Variants in PRKAB1 observed in about 807,000 individuals in gnomAD.
PRKAB1 encodes the protein 5'-AMP-activated protein kinase subunit beta-1.
A neutral mutation model predicts 32.0 loss-of-function variants in PRKAB1; 18 were observed. That is an observed-to-expected ratio of 0.56 (90% CI 0.39 to 0.83). The LOEUF is 0.83. Among genes scored for constraint, PRKAB1 ranks in the 40% least tolerant of loss-of-function variants. The pLI, the probability that PRKAB1 is intolerant of heterozygous loss-of-function variation, is 0.00. For synonymous variants in PRKAB1, 141 were observed against 141.4 expected (o/e 1.00, Z 0.02); for missense variants, 263 against 352.6 (o/e 0.75, Z 2.03).
chr12:119,674,529 T>C lies in PRKAB1; in HGVS notation c.532+75T>C. On this transcript the variant is annotated intron_variant, in intron 4 of 6. Coordinates refer to ENST00000229328, the MANE Select transcript of PRKAB1 (RefSeq NM_006253.5). The surrounding 1 kb of genome is among the most constrained non-coding windows in gnomAD (Gnocchi z 4.3). ...AGTCTAGACATACTCTTGTTTCTCTTGCCTCTCTTGAGCTGAAGCTGCCCA... is the reference window on the plus strand; with the variant it reads ...AGTCTAGACATACTCTTGTTTCTCTCGCCTCTCTTGAGCTGAAGCTGCCCA... The C allele has an allele frequency of 1.8e-6, 2 of 1,117,730 alleles. No individual in the cohort carries two copies. The highest frequency in any genetic ancestry group is 2.6e-6 in the Non-Finnish European group (2 of 767,298). 69.2% of individuals were successfully genotyped at this position (1,117,730 alleles called of 1,614,324 possible).
At chr12:119,675,828 A>T (rs889981057) in intron 4 of PRKAB1, among the ~76,000 whole-genome samples, 1 of 152,170 alleles carries the variant, frequency 6.6e-6, no homozygotes, top group African/African-American at 2.4e-5. Flanking sequence ...GGATCTGGCG[A>T]CCAGAACCAT....
At chr12:119,672,113 C>T in intron 1 of PRKAB1, 188 bp from the exon 2 acceptor site, 1 of 518,330 alleles carries the variant, frequency 1.9e-6, no homozygotes, top group Non-Finnish European at 3.4e-6. Context: ...CATGGACTGT[C>T]TCAGTCTTCA....
chr12:119,680,507 T>A lies in PRKAB1; in HGVS notation c.*182T>A. 1 of 631,682 alleles carries A rather than the reference T, an allele frequency of 1.6e-6. No homozygotes were observed. The highest frequency in any genetic ancestry group is 2.8e-6 in the Non-Finnish European group (1 of 362,936). The allele number at this position is 631,682 out of a possible 1,614,324, so 39.1% of individuals were successfully genotyped here. A position where few individuals can be genotyped will look rare whatever the true frequency, so the allele number is the denominator to read the frequency against. ...CAGAGCAGCTCCTGCAGCGCCTCGG[T>A]CTGTGACAGTCCTCCTAGCACCCCC... On this transcript the variant is annotated 3_prime_UTR_variant, in exon 7 of 7. Transcript: ENST00000229328.
At position 119,676,561 on chromosome 12, in the gene PRKAB1, C is replaced by CGTA; in HGVS notation, c.557_558insGTA (p.Tyr187dup). On this transcript the variant is annotated inframe_insertion, in exon 5 of 7. Transcript: ENST00000229328. ...GAGCTGTCCAGTTCTCCCCCAGGACCCTACCATCAGGAGCCCTACGTCTGC... is the reference window on the plus strand; with the variant it reads ...GAGCTGTCCAGTTCTCCCCCAGGACCGTACTACCATCAGGAGCCCTACGTCTGC... The CGTA allele has an allele frequency of 6.2e-7, 1 of 1,613,568 alleles. No homozygotes were observed. The highest frequency in any genetic ancestry group is 8.5e-7 in the Non-Finnish European group (1 of 1,179,604).
At chr12:119,675,591 C>G (rs890022128) in intron 4 of PRKAB1, among the ~76,000 whole-genome samples, 4 of 152,224 alleles carry the variant, frequency 2.6e-5, no homozygotes, top group African/African-American at 9.7e-5. Flanking sequence ...AAACGGACCC[C>G]TCACTGATAC....
At chr12:119,676,130 G>A (rs969915687) in intron 4 of PRKAB1, among the ~76,000 whole-genome samples, 1 of 152,194 alleles carries the variant, frequency 6.6e-6, no homozygotes, top group Non-Finnish European at 1.5e-5. Flanking sequence ...GCGGCCGGGG[G>A]TGCCCATAAC....
intron 4 of PRKAB1, among the ~76,000 whole-genome samples, chr12:119,676,235 C>T (rs962222960): frequency 3.3e-5 from 5 of 152,076 alleles, no homozygotes; most frequent in Admixed American, 2.6e-4. Context: ...TTCTGCCGTG[C>T]GTGTGGGATT....
At chr12:119,672,183 T>C in intron 1 of PRKAB1, 118 bp from the exon 2 acceptor site, 1 of 1,105,732 alleles carries the variant, frequency 9.0e-7, no homozygotes, top group Non-Finnish European at 1.3e-6. Context: ...CACTAGTAAG[T>C]TTCCGATCCT....
intron 1 of PRKAB1, among the ~76,000 whole-genome samples, chr12:119,670,518 C>A (rs1955379414): frequency 6.6e-6 from 1 of 152,222 alleles, no homozygotes; most frequent in Admixed American, 6.5e-5. Context: ...AATCATGTTT[C>A]TCTAATGACT....
In PRKAB1 at chr12:119,672,396, G is replaced by A. The variant is rs115821895; in HGVS notation, c.255G>A (p.Thr85=). ...CTCGGCCAACGGTGTTTCGATGGACGGGGGGCGGAAAGGAAGTTTACTTAT... is the reference window on the plus strand; with the variant it reads ...CTCGGCCAACGGTGTTTCGATGGACAGGGGGCGGAAAGGAAGTTTACTTAT... The part of the protein sequence containing the change: ...AQARPTVFRW[T]GGGKEVYLSG... Residue 85 remains threonine, a synonymous_variant, in exon 2 of 7, where the codon ACG becomes ACA. Transcript: ENST00000229328. 2.8e-4 allele frequency: 449 copies of A among 1,611,018 alleles called. No individual in the cohort carries two copies. In the African/African-American group the frequency reaches 5.0e-3, roughly 18 times the overall value.
intron 1 of PRKAB1, chr12:119,671,385 T>TA: frequency 3.5e-6 from 1 of 285,342 alleles, no homozygotes; most frequent in South Asian, 3.0e-5. Flanking sequence ...TATGTAGAAA[T>TA]ACCCGAGACT....
chr12:119,673,957 C>T lies in PRKAB1; in HGVS notation c.324-7C>T, dbSNP rs775020808. ...ACGGAAGTCCTCTGCTTCCTTTTTC[C>T]TTGCAGCCACAATAACTTTGTAGCC... is the stretch of plus-strand genomic sequence containing the variant. On this transcript the variant is annotated splice_polypyrimidine_tract_variant and splice_region_variant and intron_variant, in intron 2 of 6. Transcript: ENST00000229328. The T allele has an allele frequency of 5.6e-6, 9 of 1,609,914 alleles. No homozygotes were observed. The highest frequency in any genetic ancestry group is 7.6e-6 in the Non-Finnish European group (9 of 1,178,388).
chr12:119,671,431 A>G, intron 1 of PRKAB1: 1 of 365,740 alleles, frequency 2.7e-6, no homozygotes, highest in South Asian at 2.1e-5. Flanking sequence ...TAATTGACTC[A>G]GTTCCGCATG....
At chr12:119,676,131 T>G (rs2136857091) in intron 4 of PRKAB1, among the ~76,000 whole-genome samples, 1 of 152,192 alleles carries the variant, frequency 6.6e-6, no homozygotes, top group Middle Eastern at 3.4e-3. Flanking sequence ...CGGCCGGGGG[T>G]GCCCATAACT....
chr12:119,669,735 G>C (rs1955372367), intron 1 of PRKAB1: 1 of 152,144 alleles, frequency 6.6e-6, no homozygotes, highest in Admixed American at 6.6e-5. Flanking sequence ...CACCATGCCT[G>C]GCTAATTTTG....
At position 119,668,195 on chromosome 12, in the gene PRKAB1, C is replaced by A. The variant is rs1334296259; in HGVS notation, c.-50C>A. ...GGAGTCCCTTGCTCAGGGTCCCTTT[C>A]CTGCAGTGAGGCGCCGTCCGCCTTC... On this transcript the variant is annotated 5_prime_UTR_variant, in exon 1 of 7. Transcript: ENST00000229328. 6.6e-7 allele frequency: 1 copy of A among 1,509,740 alleles called. No homozygotes were observed. The highest frequency in any genetic ancestry group is 8.8e-7 in the Non-Finnish European group (1 of 1,135,974). The allele number at this position is 1,509,740 out of a possible 1,614,324, so 93.5% of individuals were successfully genotyped here.
chr12:119,674,493 GGGGGCT>G lies in PRKAB1; in HGVS notation c.532+41_532+46del. 4.1e-6 allele frequency: 6 copies of G among 1,468,358 alleles called. No individual in the cohort carries two copies. Among genetic ancestry groups the G allele is most frequent in the Non-Finnish European group, 5.7e-6 (6 of 1,050,578 alleles). The allele number at this position is 1,468,358 out of a possible 1,614,324, so 91.0% of individuals were successfully genotyped here. ...TATTTTATACCACATGCGTGCAGGT[GGGGGCT>G]GTACAGTCTAGACATACTCTTGTTT... On this transcript the variant is annotated intron_variant, in intron 4 of 6. Transcript: ENST00000229328. The surrounding 1 kb of genome is among the most constrained non-coding windows in gnomAD (Gnocchi z 4.3).
intron 1 of PRKAB1, among the ~76,000 whole-genome samples, chr12:119,670,558 G>A (rs145033555): frequency 3.3e-5 from 5 of 152,232 alleles, no homozygotes; most frequent in African/African-American, 1.2e-4. Flanking sequence ...GGTAATTTTG[G>A]TCCCTGGTCC....
At chr12:119,676,395 G>C in intron 4 of PRKAB1, 142 bp from the exon 5 acceptor site, 1 of 1,088,006 alleles carries the variant, frequency 9.2e-7, no homozygotes, top group Non-Finnish European at 1.3e-6. Context: ...CTGCACTCTT[G>C]GAACCAGTGC....
Sources: allele counts gnomAD v4.1 joint callset (sites outside exome capture counted in the v4.1 genomes callset), GRCh38; gene constraint gnomAD v4.1.1; non-coding constraint Gnocchi (gnomAD v3.1); transcripts MANE v1.5; gene names NCBI Gene and HGNC (gene_info 2026-07-23, HGNC 2026-07-21).